Variants in EPB41L3 observed in about 807,000 individuals in gnomAD.
The protein encoded by EPB41L3 is erythrocyte membrane protein band 4.1 like 3.
Under a neutral mutation model 127.1 loss-of-function variants are expected in EPB41L3, and 57 were observed. The observed-to-expected ratio is 0.45, with a 90% CI of 0.36 to 0.56. EPB41L3 has a LOEUF of 0.56. EPB41L3 is among the 20% of genes least tolerant of loss of function. EPB41L3 has a pLI of 0.00. For synonymous variants in EPB41L3, 572 were observed against 549.5 expected, an observed-to-expected ratio of 1.04 and a Z score of -0.57; for missense variants, 1,273 against 1,372.2, an observed-to-expected ratio of 0.93 and a Z score of 1.14.
In EPB41L3 at chr18:5,407,653, A is replaced by T. The variant is rs1481693769; in HGVS notation, c.2157+48T>A. On this transcript the variant is annotated intron_variant, in intron 15 of 22. Transcript: ENST00000341928. ...GTAGACAAACAATGACTTATCACAC[A>T]CTGTTGTTTTGTTGTTGTTGTTGTT... 9 of 1,588,090 alleles carry T rather than the reference A, an allele frequency of 5.7e-6. No homozygotes were observed. In the South Asian group the frequency reaches 8.9e-5, roughly 16 times the overall value.
At chr18:5,557,952 G>A (rs2094064626) in intron 3 of EPB41L3, among the ~76,000 whole-genome samples, 1 of 152,194 alleles carries the variant, frequency 6.6e-6, no homozygotes, top group African/African-American at 2.4e-5. Context: ...GTACTAGTTT[G>A]GAAGGGACTT....
chr18:5,617,813 G>A (rs916779179), intron 1 of EPB41L3, among the ~76,000 whole-genome samples: 3 of 152,148 alleles, frequency 2.0e-5, no homozygotes, highest in African/African-American at 7.2e-5. Context: ...AAGTAAGAAA[G>A]CCTAACTATG....
In EPB41L3 at chr18:5,392,734, A is replaced by G. The variant is rs563602296; in HGVS notation, c.*751T>C. 2.6e-5 allele frequency: 4 copies of G among 152,632 alleles called. No individual in the cohort carries two copies. Among genetic ancestry groups the G allele is most frequent in the South Asian group, 2.1e-4 (1 of 4,832 alleles). The allele number at this position is 152,632 out of a possible 1,614,324, so 9.5% of individuals were successfully genotyped here. A position where few individuals can be genotyped will look rare whatever the true frequency, so the allele number is the denominator to read the frequency against. On this transcript the variant is annotated 3_prime_UTR_variant, in exon 23 of 23. Coordinates refer to ENST00000341928, the MANE Select transcript of EPB41L3 (RefSeq NM_012307.5). ...CATAATATTGTAAACTAACAAAAATACAGGTTTTCTTCCCAAAATAATGAC... is the reference window on the plus strand; with the variant it reads ...CATAATATTGTAAACTAACAAAAATGCAGGTTTTCTTCCCAAAATAATGAC...
At chr18:5,401,597 TAAAG>T (rs2074501356) in intron 16 of EPB41L3, among the ~76,000 whole-genome samples, 1 of 152,064 alleles carries the variant, frequency 6.6e-6, no homozygotes, top group Non-Finnish European at 1.5e-5. Flanking sequence ...TGCCCACAAA[TAAAG>T]AAAAAATACT....
chr18:5,441,202 A>T (rs2080670710), intron 5 of EPB41L3, among the ~76,000 whole-genome samples: 1 of 152,108 alleles, frequency 6.6e-6, no homozygotes, highest in African/African-American at 2.4e-5. Context: ...ATTTATCATA[A>T]ATTTGGACTT....
At chr18:5,470,959 G>A (rs2086031704) in intron 3 of EPB41L3, among the ~76,000 whole-genome samples, 1 of 152,150 alleles carries the variant, frequency 6.6e-6, no homozygotes. Flanking sequence ...GGAATGCCTT[G>A]GACTAAAGTG....
intron 1 of EPB41L3, among the ~76,000 whole-genome samples, chr18:5,526,966 A>G (rs1185433320): frequency 6.6e-6 from 1 of 152,044 alleles, no homozygotes; most frequent in African/African-American, 2.4e-5. Flanking sequence ...TGAGAGGAGT[A>G]CGAATTATTT....
At chr18:5,574,021 C>T (rs1411985140) in intron 3 of EPB41L3, among the ~76,000 whole-genome samples, 1 of 151,858 alleles carries the variant, frequency 6.6e-6, no homozygotes, top group African/African-American at 2.4e-5. Flanking sequence ...AGCGATTCTC[C>T]TGCGTCAGCC....
intron 16 of EPB41L3, among the ~76,000 whole-genome samples, chr18:5,404,026 T>C (rs995402004): frequency 9.9e-5 from 15 of 152,200 alleles, no homozygotes; most frequent in Non-Finnish European, 1.0e-4. Context: ...AAGAACTTTC[T>C]GGTTTGTTCT....
intron 2 of EPB41L3, chr18:5,479,544 C>T (rs1263800328): frequency 6.6e-6 from 1 of 152,120 alleles, no homozygotes; most frequent in East Asian, 1.9e-4. Context: ...GTACAGATTT[C>T]TGCTTTATCT....
chr18:5,420,022 A>G (rs3752061), intron 11 of EPB41L3, 145 bp from the exon 12 acceptor site: 1,101,379 of 1,476,774 alleles, frequency 0.75, 417,288 homozygotes, highest in Non-Finnish European at 0.78. Flanking sequence ...ACTGAAAAAA[A>G]AAATACCAAC....
rs1197490003 is a variant in EPB41L3, at chr18:5,395,823, A to G, written c.2974-116T>C. On this transcript the variant is annotated intron_variant, in intron 19 of 22. Coordinates refer to ENST00000341928, the MANE Select transcript of EPB41L3 (RefSeq NM_012307.5). ...CACTATCTCCTATTATGCAATCATT[A>G]TGCTCTTCAGAGTCTGAGCGCTGCT... 1.9e-5 allele frequency: 15 copies of G among 783,860 alleles called. No homozygotes were observed. The East Asian group carries it at 3.7e-4, about 19-fold the overall frequency. 48.6% of individuals were successfully genotyped at this position (783,860 alleles called of 1,614,324 possible).
intron 2 of EPB41L3, among the ~76,000 whole-genome samples, chr18:5,613,300 A>G (rs556595478): frequency 6.6e-6 from 1 of 152,324 alleles, no homozygotes; most frequent in African/African-American, 2.4e-5. Context: ...GATGCCCATA[A>G]AAGACCTTTG....
chr18:5,504,372 A>C (rs1252436453), intron 1 of EPB41L3, among the ~76,000 whole-genome samples: 1 of 152,174 alleles, frequency 6.6e-6, no homozygotes, highest in African/African-American at 2.4e-5. Flanking sequence ...CTGAATGTCA[A>C]GAAAATCTGT....
At chr18:5,423,312 C>T in intron 11 of EPB41L3, 66 bp downstream of exon 11, 1 of 1,443,486 alleles carries the variant, frequency 6.9e-7, no homozygotes, top group African/African-American at 1.4e-5. Flanking sequence ...ACTGAAAGCT[C>T]ATGACAGTTT....
chr18:5,481,804 G>C (rs1477150478), intron 2 of EPB41L3, among the ~76,000 whole-genome samples: 3 of 151,690 alleles, frequency 2.0e-5, no homozygotes, highest in African/African-American at 7.3e-5. Context: ...AGGACAAGCG[G>C]CACTCCCATC....
intron 14 of EPB41L3, 121 bp from the exon 15 acceptor site, chr18:5,407,857 G>T: frequency 1.2e-6 from 1 of 819,490 alleles, no homozygotes; most frequent in Non-Finnish European, 2.1e-6. Flanking sequence ...GCATATGGAT[G>T]CCACTTCTTT....
chr18:5,419,001 G>GT (rs1219544290), intron 12 of EPB41L3, among the ~76,000 whole-genome samples: 1 of 152,108 alleles, frequency 6.6e-6, no homozygotes, highest in Non-Finnish European at 1.5e-5. Context: ...CTCCTGAAGG[G>GT]TTTTTTGACT....
intron 1 of EPB41L3, among the ~76,000 whole-genome samples, chr18:5,489,744 C>T (rs533811292): frequency 6.6e-6 from 1 of 152,206 alleles, no homozygotes; most frequent in Admixed American, 6.5e-5. Flanking sequence ...TGAGCTACAA[C>T]AGCAGCTTCT....
Sources: gnomAD v4.1 joint callset for allele counts (sites outside exome capture counted in the v4.1 genomes callset) on GRCh38, gnomAD v4.1.1 for gene constraint, MANE v1.5 for transcripts, NCBI Gene and HGNC (gene_info 2026-07-23, HGNC 2026-07-21) for gene names.